The following NSD1 variants were observed in gnomAD, a reference collection of about 807,000 sequenced individuals.
NSD1 encodes the protein histone-lysine N-methyltransferase, H3 lysine-36 specific.
A neutral mutation model predicts 242.7 loss-of-function variants in NSD1; 26 were observed. That is an observed-to-expected ratio of 0.11 (90% CI 0.08 to 0.15). The LOEUF (loss-of-function observed/expected upper bound fraction) is 0.15. Among genes scored for constraint, NSD1 ranks in the 10% least tolerant of loss-of-function variants. The pLI is 1.00. For synonymous variants in NSD1, 1,106 were observed against 1,178.1 expected, an observed-to-expected ratio of 0.94 and a Z score of 1.25; for missense variants, 2,495 against 3,272.8, an observed-to-expected ratio of 0.76 and a Z score of 5.80.
At position 177,210,426 on chromosome 5, in the gene NSD1, T is replaced by C; in HGVS notation, c.2027T>C (p.Leu676Ser). The change falls in exon 5 of 23, where the codon TTA becomes TCA. Residue 676 changes from leucine (L) to serine (S), a missense_variant. By Grantham distance (145) the Leu-to-Ser change is moderately radical (BLOSUM62 -2). Transcript: ENST00000439151. ...PDAFDRTENMLSMQKNEKIKY... is the reference protein window; with the variant it reads ...PDAFDRTENMSSMQKNEKIKY... The stretch of plus-strand genomic sequence containing the variant: ...GCTTTCGATAGAACAGAGAACATGT[T>C]ATCTATGCAGAAAAATGAAAAGATA... 6 of 1,614,184 alleles carry C rather than the reference T, an allele frequency of 3.7e-6. No individual in the cohort carries two copies. The highest frequency in any genetic ancestry group is 5.1e-6 in the Non-Finnish European group (6 of 1,180,036).
chr5:177,154,228 G>A (rs546525661), intron 2 of NSD1, among the ~76,000 whole-genome samples: 27 of 152,118 alleles, frequency 1.8e-4, no homozygotes, highest in South Asian at 1.2e-3. Flanking sequence ...CAAGCAGGAA[G>A]ATGCAGTAAC....
intron 2 of NSD1, among the ~76,000 whole-genome samples, chr5:177,173,466 C>CCTT (rs1759897447): frequency 1.6e-5 from 1 of 62,208 alleles, no homozygotes; most frequent in Non-Finnish European, 2.8e-5. Context: ...TACTATCTGG[C>CCTT]TTTTTTTTTT....
At chr5:177,216,662 G>T (rs1295239553) in intron 5 of NSD1, among the ~76,000 whole-genome samples, 1 of 150,912 alleles carries the variant, frequency 6.6e-6, no homozygotes, top group Non-Finnish European at 1.5e-5. Flanking sequence ...TTTATTTCAG[G>T]GATCTCTGTT....
intron 8 of NSD1, among the ~76,000 whole-genome samples, chr5:177,240,143 T>C (rs1250125384): frequency 6.6e-6 from 1 of 152,206 alleles, no homozygotes; most frequent in African/African-American, 2.4e-5. Context: ...ATTTCTTTTC[T>C]GGGTTCAAAT....
In NSD1 at chr5:177,210,965, G is replaced by A. The variant is rs1763291276; in HGVS notation, c.2566G>A (p.Val856Met). The A allele has an allele frequency of 6.2e-7, 1 of 1,614,048 alleles. No individual in the cohort carries two copies. The highest frequency in any genetic ancestry group is 8.5e-7 in the Non-Finnish European group (1 of 1,180,044). The change falls in exon 5 of 23, where the codon GTG becomes ATG. Residue 856 changes from valine (V) to methionine (M), a missense_variant. Val to Met is a conservative substitution (Grantham distance 21). This residue lies in a region of NSD1 where 121 missense variants were observed against 167.2 expected (regional missense o/e 0.72). Coordinates refer to ENST00000439151, the MANE Select transcript of NSD1 (RefSeq NM_022455.5). The stretch of plus-strand genomic sequence containing the variant: ...GGATTCAAGTGACATAGAAACAGCA[G>A]TGGTGAAACATGTTTTATCCGAGTT... The part of the protein sequence containing the change: ...TRDSSDIETA[V>M]VKHVLSELKE...
intron 14 of NSD1, 57 bp from the exon 15 acceptor site, chr5:177,267,505 A>C: frequency 7.0e-7 from 1 of 1,429,804 alleles, no homozygotes; most frequent in African/African-American, 1.4e-5. Flanking sequence ...GTATGGATGT[A>C]CACATACATG....
In NSD1 at chr5:177,267,677, A is replaced by G; in HGVS notation, c.5262A>G (p.Pro1754=). ...YCNDCKAGKK[P]HYREIVWVKV... ...ATGACTGTAAAGCAGGCAAAAAGCC[A>G]CACTACAGGGAGATTGTCTGGGTAA... Residue 1754 remains proline, a synonymous_variant, in exon 15 of 23, where the codon CCA becomes CCG. Coordinates refer to ENST00000439151, the MANE Select transcript of NSD1 (RefSeq NM_022455.5). 1 of 1,614,126 alleles carries G rather than the reference A, an allele frequency of 6.2e-7. No homozygotes were observed. The highest frequency in any genetic ancestry group is 1.1e-5 in the South Asian group (1 of 91,086).
chr5:177,211,001 T>G lies in NSD1; in HGVS notation c.2602T>G (p.Ser868Ala). The stretch of plus-strand genomic sequence containing the variant: ...TGTTTTATCCGAGTTGAAGGAACTC[T>G]CTTACAGATCCTTAGGTGAGGATGT... ...KHVLSELKEL[S>A]YRSLGEDVSD... Residue 868 changes from serine to alanine, a missense_variant, in exon 5 of 23, where the codon TCT becomes GCT. By Grantham distance (99) the Ser-to-Ala change is moderately conservative (BLOSUM62 1). Coordinates refer to ENST00000439151, the MANE Select transcript of NSD1 (RefSeq NM_022455.5). 1.2e-6 allele frequency: 2 copies of G among 1,614,186 alleles called. No individual in the cohort carries two copies. Among genetic ancestry groups the G allele is most frequent in the Non-Finnish European group, 1.7e-6 (2 of 1,180,032 alleles).
intron 12 of NSD1, among the ~76,000 whole-genome samples, chr5:177,253,489 A>G (rs903794512): frequency 6.6e-6 from 1 of 152,124 alleles, no homozygotes; most frequent in Non-Finnish European, 1.5e-5. Flanking sequence ...AGTTTGTTGT[A>G]TGGATTTACT....
At chr5:177,187,987 A>G (rs1176323775) in intron 2 of NSD1, among the ~76,000 whole-genome samples, 2 of 152,240 alleles carry the variant, frequency 1.3e-5, no homozygotes, top group East Asian at 3.8e-4. Flanking sequence ...ACCTATAGAC[A>G]TTAGAAAAAG....
rs984998117 is a variant in NSD1, at chr5:177,297,557, T to C, written c.*2098T>C. ...TTTTCTCTCCAGTCATCTGTAGTTG[T>C]GATCAGAAAAAGGTATCTGCACTGC... is the stretch of plus-strand genomic sequence containing the variant. On this transcript the variant is annotated 3_prime_UTR_variant, in exon 23 of 23. Coordinates refer to ENST00000439151, the MANE Select transcript of NSD1 (RefSeq NM_022455.5). 1 of 229,904 alleles carries C rather than the reference T, an allele frequency of 4.3e-6. No homozygotes were observed. Among genetic ancestry groups the C allele is most frequent in the African/African-American group, 2.2e-5 (1 of 44,850 alleles). 14.2% of individuals were successfully genotyped at this position (229,904 alleles called of 1,614,324 possible). A position where few individuals can be genotyped will look rare whatever the true frequency, so the allele number is the denominator to read the frequency against.
At chr5:177,291,845 A>G in intron 21 of NSD1, 109 bp from the exon 22 acceptor site, 3 of 1,056,038 alleles carry the variant, frequency 2.8e-6, no homozygotes, top group Non-Finnish European at 2.9e-6. Flanking sequence ...TCTTCATGAC[A>G]ATCTCTTTTC....
upstream of NSD1, among the ~76,000 whole-genome samples, chr5:177,131,808 G>A (rs1195858613): frequency 1.3e-5 from 2 of 152,260 alleles, no homozygotes; most frequent in African/African-American, 4.8e-5. Context: ...AGCTTGAGAT[G>A]GAGTTAACTC....
At chr5:177,257,464 C>T (rs947326405) in intron 13 of NSD1, among the ~76,000 whole-genome samples, 1 of 152,102 alleles carries the variant, frequency 6.6e-6, no homozygotes, top group African/African-American at 2.4e-5. Flanking sequence ...ATCTCCTGAC[C>T]TCGTGATCCA....
At chr5:177,215,146 T>C (rs917486999) in intron 5 of NSD1, among the ~76,000 whole-genome samples, 2 of 152,102 alleles carry the variant, frequency 1.3e-5, no homozygotes, top group Non-Finnish European at 2.9e-5. Flanking sequence ...ACAGTGAACA[T>C]GGATATGCAG....
At position 177,210,836 on chromosome 5, in the gene NSD1, A is replaced by G; in HGVS notation, c.2437A>G (p.Lys813Glu). Residue 813 changes from lysine to glutamate, a missense_variant, in exon 5 of 23, where the codon AAA becomes GAA. This residue lies in a region of NSD1 where 515 missense variants were observed against 467.0 expected (regional missense o/e 1.10). Coordinates refer to ENST00000439151, the MANE Select transcript of NSD1 (RefSeq NM_022455.5). Reference sequence around the variant, plus strand: ...AGTTATAAATGAGGAGTGCAGTTTGAAATGCTGCTCTTCTGATACCAAAGG... The same window carrying G: ...AGTTATAAATGAGGAGTGCAGTTTGGAATGCTGCTCTTCTGATACCAAAGG... The part of the protein sequence containing the change: ...PPVINEECSL[K>E]CCSSDTKGSP... 2.5e-6 allele frequency: 4 copies of G among 1,614,238 alleles called. No homozygotes were observed. The East Asian group carries it at 8.9e-5, about 36-fold the overall frequency.
At chr5:177,155,268 C>T (rs1192038150) in intron 2 of NSD1, among the ~76,000 whole-genome samples, 4 of 151,848 alleles carry the variant, frequency 2.6e-5, no homozygotes, top group South Asian at 4.2e-4. Context: ...GGATTATAGA[C>T]GTTAGCCACC....
chr5:177,289,707 A>G (rs1422881524), intron 21 of NSD1, among the ~76,000 whole-genome samples: 1 of 152,174 alleles, frequency 6.6e-6, no homozygotes. Flanking sequence ...AAAAAAGTAT[A>G]AGCATTGTTG....
intron 2 of NSD1, among the ~76,000 whole-genome samples, chr5:177,139,053 C>G (rs977750204): frequency 6.6e-6 from 1 of 150,776 alleles, no homozygotes; most frequent in Non-Finnish European, 1.5e-5. Context: ...ATTTCAAGAC[C>G]AGCCTGGCCA....
Sources: allele counts gnomAD v4.1 joint callset (sites outside exome capture counted in the v4.1 genomes callset), GRCh38; gene constraint gnomAD v4.1.1; regional missense constraint gnomAD v4.1.1; transcripts MANE v1.5; gene names NCBI Gene and HGNC (gene_info 2026-07-23, HGNC 2026-07-21).